Variants in PUM1 observed in about 807,000 individuals in gnomAD.
The protein encoded by PUM1 is pumilio RNA binding family member 1, also known as pumilio homolog 1.
Under a neutral mutation model 131.8 loss-of-function variants are expected in PUM1, and 13 were observed. The ratio of observed to expected loss-of-function variants is 0.10; its 90% CI spans 0.06 to 0.16. The LOEUF (loss-of-function observed/expected upper bound fraction) is 0.16, where lower values mean the gene tolerates loss of function less well. Ranked by LOEUF, PUM1 falls within the 10% of genes least tolerant of loss-of-function variation. The pLI, the probability that PUM1 is intolerant of heterozygous loss-of-function variation, is 1.00. For synonymous variants in PUM1, 509 were observed against 556.5 expected, an observed-to-expected ratio of 0.91 and a Z score of 1.20; for missense variants, 961 against 1,512.4, an observed-to-expected ratio of 0.64 and a Z score of 6.05.
intron 20 of PUM1, among the ~76,000 whole-genome samples, chr1:30,939,982 G>A (rs936719393): frequency 4.6e-5 from 7 of 152,100 alleles, no homozygotes; most frequent in South Asian, 2.1e-4. Flanking sequence ...AGACTGACCC[G>A]AAGAAGAGAA....
At chr1:31,044,940 C>T (rs1405254600) in intron 2 of PUM1, among the ~76,000 whole-genome samples, 1 of 151,998 alleles carries the variant, frequency 6.6e-6, no homozygotes. Context: ...CTCCTGAGTA[C>T]CTGGGATTAA....
chr1:31,003,526 G>A (rs1254578726), intron 5 of PUM1, among the ~76,000 whole-genome samples: 5 of 152,158 alleles, frequency 3.3e-5, no homozygotes, highest in East Asian at 1.9e-4. Flanking sequence ...GGAGGCTGAG[G>A]TGGGAAGATC....
At chr1:31,020,834 C>T (rs1326797228) in intron 3 of PUM1, among the ~76,000 whole-genome samples, 1 of 152,158 alleles carries the variant, frequency 6.6e-6, no homozygotes, top group Non-Finnish European at 1.5e-5. Context: ...CATGCTTCAC[C>T]TCAATGAGAA....
At chr1:30,981,860 T>C (rs1641370579) in intron 7 of PUM1, 1 of 152,364 alleles carries the variant, frequency 6.6e-6, no homozygotes, top group Non-Finnish European at 1.5e-5. Flanking sequence ...TTGTCCCTAG[T>C]GCTGAATCTC....
chr1:31,062,579 C>T (rs994437805), intron 1 of PUM1, among the ~76,000 whole-genome samples: 5 of 148,062 alleles, frequency 3.4e-5, no homozygotes, highest in Admixed American at 6.8e-5. Context: ...GAGATCAAGG[C>T]ACTGCACTCC....
At chr1:31,029,221 G>A (rs894538649) in intron 2 of PUM1, among the ~76,000 whole-genome samples, 2 of 152,172 alleles carry the variant, frequency 1.3e-5, no homozygotes, top group Admixed American at 1.3e-4. Context: ...ATGACTATGT[G>A]ACCTAATGAG....
At chr1:30,939,039 C>T (rs1048942859) in intron 20 of PUM1, among the ~76,000 whole-genome samples, 3 of 152,196 alleles carry the variant, frequency 2.0e-5, no homozygotes, top group Admixed American at 6.5e-5. Flanking sequence ...CCTTTACAAC[C>T]TGAGTATATT....
At chr1:31,058,055 G>A (rs1416107417) in intron 2 of PUM1, among the ~76,000 whole-genome samples, 1 of 152,074 alleles carries the variant, frequency 6.6e-6, no homozygotes, top group African/African-American at 2.4e-5. Context: ...TCCCACTATG[G>A]TTTTAGATTA....
At chr1:30,983,088 G>C (rs764922965) in intron 7 of PUM1, among the ~76,000 whole-genome samples, 1 of 152,198 alleles carries the variant, frequency 6.6e-6, no homozygotes, top group Non-Finnish European at 1.5e-5. Context: ...TCCAGGAAGG[G>C]AGCCAGTCAA....
Position 31,065,627 on chromosome 1 carries a change from T to C in PUM1, c.-23A>G, listed in dbSNP as rs1162191099. On this transcript the variant is annotated 5_prime_UTR_variant, in exon 1 of 22. Coordinates refer to ENST00000426105, the MANE Select transcript of PUM1 (RefSeq NM_001020658.2). ...GTGCGGATACTCACGGGCGGAGCGG[T>C]AGGATGAAGATGGATTTCAGCCCCC... 13 of 1,547,750 alleles carry C rather than the reference T, an allele frequency of 8.4e-6. No homozygotes were observed. The highest frequency in any genetic ancestry group is 1.7e-4 in the Middle Eastern group (1 of 5,992).
At position 30,953,999 on chromosome 1, in the gene PUM1, G is replaced by C. The variant is rs768655313; in HGVS notation, c.2324-18C>G. 79 of 1,609,382 alleles carry C rather than the reference G, an allele frequency of 4.9e-5. No individual in the cohort carries two copies. Among genetic ancestry groups the C allele is most frequent in the Middle Eastern group, 1.7e-4 (1 of 5,804 alleles). On this transcript the variant is annotated intron_variant, in intron 14 of 21. Transcript: ENST00000426105. ...GAGTCCTCCTGTTGGTTACAGAACA[G>C]GATAACTTAAGACCACTCTTCAGCA... is the stretch of plus-strand genomic sequence containing the variant.
At chr1:30,996,887 G>C (rs1456384818) in intron 5 of PUM1, among the ~76,000 whole-genome samples, 1 of 152,172 alleles carries the variant, frequency 6.6e-6, no homozygotes, top group African/African-American at 2.4e-5. Flanking sequence ...CCCTAGCACT[G>C]ACTGCAGTGC....
chr1:30,973,299 G>A (rs1035960059), intron 10 of PUM1, among the ~76,000 whole-genome samples: 1 of 149,900 alleles, frequency 6.7e-6, no homozygotes, highest in Non-Finnish European at 1.5e-5. Flanking sequence ...TAAGACTGAT[G>A]TCAAGCAAAA....
intron 9 of PUM1, among the ~76,000 whole-genome samples, chr1:30,975,913 T>C (rs923798694): frequency 2.6e-5 from 4 of 151,620 alleles, no homozygotes; most frequent in African/African-American, 7.3e-5. Context: ...TGAAACCCCA[T>C]CTCTACTAAA....
intron 9 of PUM1, among the ~76,000 whole-genome samples, chr1:30,979,026 C>G (rs1431057468): frequency 6.6e-6 from 1 of 151,414 alleles, no homozygotes. Context: ...ATCCAGTGGG[C>G]CCAGGAATTC....
At chr1:30,996,952 TG>T (rs35435522) in intron 5 of PUM1, among the ~76,000 whole-genome samples, 42,280 of 151,944 alleles carry the variant, frequency 0.28, 7,499 homozygotes, top group East Asian at 0.53. Flanking sequence ...AAAAAAATCA[TG>T]CAAAACTGAA....
intron 1 of PUM1, among the ~76,000 whole-genome samples, 173 bp downstream of exon 1, chr1:31,065,443 G>C (rs908951890): frequency 6.7e-6 from 1 of 149,594 alleles, no homozygotes; most frequent in Admixed American, 6.7e-5. Flanking sequence ...CCTTGCTGCT[G>C]ACTCCAAAAC....
intron 3 of PUM1, among the ~76,000 whole-genome samples, chr1:31,021,936 T>C (rs2124535435): frequency 6.6e-6 from 1 of 152,072 alleles, no homozygotes; most frequent in East Asian, 1.9e-4. Context: ...CTCTAATCCT[T>C]GTTCACCCCA....
intron 16 of PUM1, 45 bp downstream of exon 16, chr1:30,952,189 C>CT: frequency 6.3e-7 from 1 of 1,584,450 alleles, no homozygotes; most frequent in South Asian, 1.1e-5. Flanking sequence ...TCAAAATGCT[C>CT]TGCAGATTCT....
Sources: allele counts gnomAD v4.1 joint callset (sites outside exome capture counted in the v4.1 genomes callset), GRCh38; gene constraint gnomAD v4.1.1; transcripts MANE v1.5; gene names NCBI Gene and HGNC (gene_info 2026-07-23, HGNC 2026-07-21).